Variants in AUTS2 observed in about 807,000 individuals in gnomAD.
AUTS2 encodes activator of transcription and developmental regulator AUTS2.
AUTS2 carries 17 observed loss-of-function variants against 112.4 expected under a neutral mutation model. The ratio of observed to expected loss-of-function variants is 0.15; its 90% CI spans 0.10 to 0.23. The LOEUF (loss-of-function observed/expected upper bound fraction) is 0.23, where lower values mean the gene tolerates loss of function less well. Among genes scored for constraint, AUTS2 ranks in the 10% least tolerant of loss-of-function variants. AUTS2 has a pLI of 1.00. For missense variants in AUTS2, 1,510 were observed against 1,701.6 expected (o/e 0.89, Z 1.98); for synonymous variants, 751 against 702.7 (o/e 1.07, Z -1.09).
intron 5 of AUTS2, among the ~76,000 whole-genome samples, chr7:70,500,646 G>C (rs904482300): frequency 1.3e-5 from 2 of 152,118 alleles, no homozygotes; most frequent in African/African-American, 4.8e-5. Flanking sequence ...GCTTCAGCCA[G>C]TAAGTTCAAG....
intron 5 of AUTS2, among the ~76,000 whole-genome samples, chr7:70,545,794 A>G (rs769239215): frequency 2.0e-5 from 3 of 152,042 alleles, no homozygotes; most frequent in Admixed American, 1.3e-4. Context: ...CCATTTTTGC[A>G]TCTTGACATA....
intron 4 of AUTS2, among the ~76,000 whole-genome samples, chr7:70,241,703 G>T (rs1020076066): frequency 1.3e-5 from 2 of 152,096 alleles, no homozygotes; most frequent in Admixed American, 6.5e-5. Flanking sequence ...AAATATTCTT[G>T]TGCTTCTTTG....
At chr7:69,824,550 C>T (rs1423542061) in intron 1 of AUTS2, 1 of 150,358 alleles carries the variant, frequency 6.7e-6, no homozygotes, top group African/African-American at 2.4e-5. Context: ...TTTTTTTAAT[C>T]GCCGATCTTG....
At chr7:70,768,948 C>T (rs937735763) in intron 10 of AUTS2, among the ~76,000 whole-genome samples, 3 of 145,642 alleles carry the variant, frequency 2.1e-5, no homozygotes, top group Non-Finnish European at 4.5e-5. Context: ...GTTGATTCAC[C>T]ATACTCAACT....
At chr7:69,643,274 C>G (rs994374308) in intron 1 of AUTS2, 3 of 152,626 alleles carry the variant, frequency 2.0e-5, no homozygotes, top group African/African-American at 7.2e-5. Context: ...TCATGTATGT[C>G]CATCATCTTT....
At chr7:70,263,186 G>A (rs1227258474) in intron 4 of AUTS2, among the ~76,000 whole-genome samples, 1 of 151,906 alleles carries the variant, frequency 6.6e-6, no homozygotes, top group Non-Finnish European at 1.5e-5. Context: ...ATCAGTTAAA[G>A]GTTAACTGAG....
At chr7:69,723,180 C>T (rs1202805947) in intron 1 of AUTS2, among the ~76,000 whole-genome samples, 1 of 152,028 alleles carries the variant, frequency 6.6e-6, no homozygotes, top group Non-Finnish European at 1.5e-5. Flanking sequence ...AGGACTCTCC[C>T]ACTTTAGCCT....
intron 1 of AUTS2, among the ~76,000 whole-genome samples, chr7:69,743,597 G>A (rs1301841288): frequency 6.6e-6 from 1 of 151,964 alleles, no homozygotes; most frequent in Non-Finnish European, 1.5e-5. Flanking sequence ...GGATATTTCT[G>A]TCACCGTAAA....
At chr7:70,114,343 T>G (rs1397108832) in intron 2 of AUTS2, among the ~76,000 whole-genome samples, 1 of 152,232 alleles carries the variant, frequency 6.6e-6, no homozygotes, top group Non-Finnish European at 1.5e-5. Flanking sequence ...AGCAGATCAA[T>G]TTTTCTTAGC....
intron 4 of AUTS2, among the ~76,000 whole-genome samples, chr7:70,256,796 G>C (rs892966336): frequency 6.6e-6 from 1 of 152,076 alleles, no homozygotes; most frequent in Non-Finnish European, 1.5e-5. Context: ...TCTTATTATA[G>C]CTTTCAGATT....
At chr7:69,995,420 G>A (rs984852577) in intron 2 of AUTS2, among the ~76,000 whole-genome samples, 1 of 152,062 alleles carries the variant, frequency 6.6e-6, no homozygotes, top group Non-Finnish European at 1.5e-5. Flanking sequence ...TTTGGCCTTC[G>A]TGAATGCAAA....
chr7:70,223,826 C>T (rs1361145422), intron 4 of AUTS2, among the ~76,000 whole-genome samples: 2 of 149,006 alleles, frequency 1.3e-5, no homozygotes, highest in African/African-American at 2.5e-5. Flanking sequence ...GTGTAGTCCT[C>T]GGCTAGTGTG....
Position 70,018,341 on chromosome 7 carries a change from TA to T in AUTS2, c.523-99784del, listed in dbSNP as rs951486445. 1.3e-3 allele frequency among the ~76,000 whole-genome samples: 199 copies of T among 152,280 alleles called. 2 individuals carry two copies. Among genetic ancestry groups the T allele is most frequent in the African/African-American group, 4.5e-3 (189 of 41,566 alleles). On this transcript the variant is annotated intron_variant, in intron 2 of 18. Transcript: ENST00000342771. The stretch of plus-strand genomic sequence containing the variant: ...ATAAAGTGCAGCTGGATCAATCATT[TA>T]AAAAAATCAGTGAACATCTGTATTT...
At chr7:70,501,866 C>T (rs1250821538) in intron 5 of AUTS2, among the ~76,000 whole-genome samples, 1 of 152,174 alleles carries the variant, frequency 6.6e-6, no homozygotes, top group Non-Finnish European at 1.5e-5. Flanking sequence ...AACCCACAAA[C>T]TTAAACTCCA....
chr7:70,261,579 T>TTC (rs1042318198), intron 4 of AUTS2, among the ~76,000 whole-genome samples: 2 of 152,088 alleles, frequency 1.3e-5, no homozygotes, highest in Non-Finnish European at 2.9e-5. Flanking sequence ...TAGGTATTCC[T>TTC]TCTCTCTCTC....
rs564169521 is a variant in AUTS2 at position 69,899,219 on chromosome 7, T to C, written c.310-67T>C. 4.5e-4 allele frequency: 543 copies of C among 1,203,590 alleles called. 2 individuals are homozygous for C. Among genetic ancestry groups the C allele is most frequent in the Non-Finnish European group, 6.0e-4 (486 of 810,954 alleles). 74.6% of individuals were successfully genotyped at this position (1,203,590 alleles called of 1,614,324 possible). ...GTAACACCCTTTAGTATTTAGCCTATATTTTGGGTGTGACCCTAGATACCT... is the reference window on the plus strand; with the variant it reads ...GTAACACCCTTTAGTATTTAGCCTACATTTTGGGTGTGACCCTAGATACCT... On this transcript the variant is annotated intron_variant, in intron 1 of 18. Transcript: ENST00000342771.
chr7:69,830,034 A>C (rs1584307873), intron 1 of AUTS2, among the ~76,000 whole-genome samples: 1 of 152,162 alleles, frequency 6.6e-6, no homozygotes, highest in African/African-American at 2.4e-5. Flanking sequence ...GTACATATAC[A>C]CCATGGAATA....
At chr7:70,081,798 A>T (rs1407079401) in intron 2 of AUTS2, among the ~76,000 whole-genome samples, 1 of 152,176 alleles carries the variant, frequency 6.6e-6, no homozygotes, top group Non-Finnish European at 1.5e-5. Flanking sequence ...GTGATCTAAT[A>T]AACTTGAAGG....
intron 2 of AUTS2, among the ~76,000 whole-genome samples, chr7:70,099,034 T>A (rs186196380): frequency 1.3e-5 from 2 of 152,260 alleles, no homozygotes; most frequent in East Asian, 3.9e-4. Flanking sequence ...CAGAAGTGTT[T>A]CTGTTTATTT....
Sources: allele counts gnomAD v4.1 joint callset (sites outside exome capture counted in the v4.1 genomes callset), GRCh38; gene constraint gnomAD v4.1.1; transcripts MANE v1.5; gene names NCBI Gene and HGNC (gene_info 2026-07-23, HGNC 2026-07-21).